The following RASA1 variants were observed in gnomAD, a reference collection of about 807,000 sequenced individuals.
The protein encoded by RASA1 is ras GTPase-activating protein 1.
RASA1 carries 25 observed loss-of-function variants against 132.2 expected under a neutral mutation model. The observed-to-expected ratio is 0.19, with a 90% CI of 0.14 to 0.26. RASA1 has a LOEUF of 0.26. Ranked by LOEUF, RASA1 falls within the 10% of genes least tolerant of loss-of-function variation. The pLI is 1.00. For synonymous variants in RASA1, 477 were observed against 449.9 expected, an observed-to-expected ratio of 1.06 and a Z score of -0.76; for missense variants, 964 against 1,299.2, an observed-to-expected ratio of 0.74 and a Z score of 3.97.
At chr5:87,385,257 G>A (rs756028544) in intron 21 of RASA1, 44 bp from the exon 22 acceptor site, 1 of 1,194,798 alleles carries the variant, frequency 8.4e-7, no homozygotes, top group Non-Finnish European at 1.3e-6. Context: ...AGCTGGAAGT[G>A]CTGTTGGACT....
chr5:87,295,651 C>A (rs1028389319), intron 1 of RASA1, among the ~76,000 whole-genome samples: 1 of 151,876 alleles, frequency 6.6e-6, no homozygotes, highest in Admixed American at 6.6e-5. Context: ...ACGATAGATG[C>A]ACACCACCAT....
At chr5:87,305,774 A>G (rs1755579984) in intron 1 of RASA1, among the ~76,000 whole-genome samples, 1 of 152,244 alleles carries the variant, frequency 6.6e-6, no homozygotes, top group South Asian at 2.1e-4. Context: ...AGAAGAACTT[A>G]AAACACATTT....
chr5:87,310,985 ATTATTAATT>A (rs1363543853), intron 1 of RASA1, among the ~76,000 whole-genome samples: 3 of 152,220 alleles, frequency 2.0e-5, no homozygotes, highest in Admixed American at 2.0e-4. Flanking sequence ...AACAGTAAAA[ATTATTAATT>A]TTATTAAGTT....
chr5:87,269,681 G>A (rs1753735389), intron 1 of RASA1, among the ~76,000 whole-genome samples: 3 of 152,128 alleles, frequency 2.0e-5, no homozygotes, highest in South Asian at 4.1e-4. Context: ...CAACAGTGAG[G>A]CAAAACAAAA....
intron 5 of RASA1, among the ~76,000 whole-genome samples, chr5:87,340,456 C>A (rs957206038): frequency 6.6e-6 from 1 of 151,536 alleles, no homozygotes; most frequent in Non-Finnish European, 1.5e-5. Flanking sequence ...GATATAGTAA[C>A]ATTCAGTGAG....
chr5:87,363,198 A>T, intron 10 of RASA1, 150 bp from the exon 11 acceptor site: 1 of 718,400 alleles, frequency 1.4e-6, no homozygotes, highest in Non-Finnish European at 2.3e-6. Context: ...GATTTGTTAT[A>T]GGCATTTTCT....
intron 1 of RASA1, among the ~76,000 whole-genome samples, chr5:87,301,014 T>C (rs1755335441): frequency 6.6e-6 from 1 of 152,164 alleles, no homozygotes; most frequent in South Asian, 2.1e-4. Context: ...CACTTAGTCT[T>C]AGGCTGCTGA....
intron 6 of RASA1, among the ~76,000 whole-genome samples, chr5:87,346,178 T>A (rs1758847081): frequency 6.6e-6 from 1 of 152,062 alleles, no homozygotes; most frequent in African/African-American, 2.4e-5. Context: ...TTCTTGATGG[T>A]GCTATCCACT....
At chr5:87,348,910 G>C (rs1446269169) in intron 7 of RASA1, among the ~76,000 whole-genome samples, 2 of 151,958 alleles carry the variant, frequency 1.3e-5, no homozygotes, top group African/African-American at 4.8e-5. Flanking sequence ...CTATGCTTAG[G>C]TTCCTTCCAA....
At position 87,390,961 on chromosome 5, in the gene RASA1, T is replaced by G; in HGVS notation, c.*78T>G. 1.4e-6 allele frequency: 2 copies of G among 1,419,536 alleles called. No homozygotes were observed. Among genetic ancestry groups the G allele is most frequent in the South Asian group, 1.2e-5 (1 of 86,118 alleles). 87.9% of individuals were successfully genotyped at this position (1,419,536 alleles called of 1,614,324 possible). A position where few individuals can be genotyped will look rare whatever the true frequency, so the allele number is the denominator to read the frequency against. ...CACTTCAGTTTAATGTCTCCTTTGC[T>G]CTTGCCAAAAAATAGCACACTTTTC... is the stretch of plus-strand genomic sequence containing the variant. On this transcript the variant is annotated 3_prime_UTR_variant, in exon 25 of 25. Coordinates refer to ENST00000274376, the MANE Select transcript of RASA1 (RefSeq NM_002890.3).
chr5:87,351,221 T>G (rs922071297), intron 8 of RASA1, among the ~76,000 whole-genome samples: 8 of 151,710 alleles, frequency 5.3e-5, no homozygotes, highest in Admixed American at 4.6e-4. Context: ...GCAAATTTAA[T>G]TCAGCAGCCA....
intron 24 of RASA1, 110 bp downstream of exon 24, chr5:87,389,637 TGA>T: frequency 7.1e-7 from 1 of 1,403,516 alleles, no homozygotes; most frequent in Non-Finnish European, 9.9e-7. Flanking sequence ...ATTAAATTTT[TGA>T]GACTCTGCAT....
At chr5:87,307,378 G>T (rs964011820) in intron 1 of RASA1, among the ~76,000 whole-genome samples, 2 of 151,932 alleles carry the variant, frequency 1.3e-5, no homozygotes, top group East Asian at 3.9e-4. Flanking sequence ...GGAGAATGGC[G>T]TCAACCCGGG....
At chr5:87,329,518 T>A (rs559718413) in intron 1 of RASA1, among the ~76,000 whole-genome samples, 42 of 152,168 alleles carry the variant, frequency 2.8e-4, no homozygotes, top group Non-Finnish European at 5.1e-4. Context: ...GTTGGATATT[T>A]CTTATAAAGT....
chr5:87,339,573 C>T (rs1169916674), intron 5 of RASA1, among the ~76,000 whole-genome samples: 1 of 152,026 alleles, frequency 6.6e-6, no homozygotes, highest in Non-Finnish European at 1.5e-5. Context: ...AATTCTGGAT[C>T]AAATTTAACA....
chr5:87,284,034 G>C (rs192217557), intron 1 of RASA1, among the ~76,000 whole-genome samples: 2 of 152,202 alleles, frequency 1.3e-5, no homozygotes, highest in African/African-American at 4.8e-5. Context: ...TAAGGTTGAA[G>C]GCCTTTTCTT....
rs765607026 is a variant in RASA1 at position 87,268,580 on chromosome 5, T to C, written c.129T>C (p.Pro43=). Residue 43 remains proline (P), a synonymous_variant, in exon 1 of 25, where the codon CCT becomes CCC. Coordinates refer to ENST00000274376, the MANE Select transcript of RASA1 (RefSeq NM_002890.3). ...VCRVKIPAAL[P]VAAAPYPGLV... ...GGGTGAAGATACCCGCGGCCCTGCC[T>C]GTGGCAGCCGCCCCCTATCCTGGGC... 12 of 1,609,426 alleles carry C rather than the reference T, an allele frequency of 7.5e-6. No individual in the cohort carries two copies. The highest frequency in any genetic ancestry group is 8.5e-6 in the Non-Finnish European group (10 of 1,178,588).
chr5:87,374,455 ATATATT>A, intron 14 of RASA1, 135 bp downstream of exon 14: 1 of 264,198 alleles, frequency 3.8e-6, no homozygotes, highest in Non-Finnish European at 6.1e-6. Context: ...ATATATATAT[ATATATT>A]TTTTTTTTTT....
At chr5:87,380,988 C>A (rs921746013) in intron 20 of RASA1, among the ~76,000 whole-genome samples, 2 of 152,158 alleles carry the variant, frequency 1.3e-5, no homozygotes, top group African/African-American at 4.8e-5. Flanking sequence ...ATCTGTGACT[C>A]TGAGCTAATC....
Sources: gnomAD v4.1 joint callset for allele counts (sites outside exome capture counted in the v4.1 genomes callset) on GRCh38, gnomAD v4.1.1 for gene constraint, MANE v1.5 for transcripts, NCBI Gene and HGNC (gene_info 2026-07-23, HGNC 2026-07-21) for gene names.